The following IL1RAPL2 variants were observed in gnomAD, a reference collection of about 807,000 sequenced individuals.
IL1RAPL2 encodes the protein interleukin 1 receptor accessory protein like 2.
Under a neutral mutation model 44.1 loss-of-function variants are expected in IL1RAPL2, and 3 were observed. The ratio of observed to expected loss-of-function variants is 0.07; its 90% CI spans 0.03 to 0.18. The LOEUF (loss-of-function observed/expected upper bound fraction) is 0.18, where lower values mean the gene tolerates loss of function less well. Among genes scored for constraint, IL1RAPL2 ranks in the 10% least tolerant of loss-of-function variants. The probability of loss-of-function intolerance (pLI) is 1.00; values close to 1 mark genes in which losing one functional copy is unlikely to be tolerated. For missense variants in IL1RAPL2, 391 were observed against 496.4 expected, an observed-to-expected ratio of 0.79 and a Z score of 2.02; for synonymous variants, 181 against 178.8, an observed-to-expected ratio of 1.01 and a Z score of -0.10.
intron 6 of IL1RAPL2, among the ~76,000 whole-genome samples, chrX:105,603,825 A>T (rs1316382450): frequency 1.8e-5 from 2 of 111,987 alleles, no homozygotes; most frequent in Non-Finnish European, 3.8e-5. Context: ...TTTTCAGGCC[A>T]CAATGGAATA....
intron 2 of IL1RAPL2, among the ~76,000 whole-genome samples, chrX:104,835,463 C>T (rs967533602): frequency 9.0e-6 from 1 of 111,536 alleles, no homozygotes; most frequent in Non-Finnish European, 1.9e-5. Context: ...TATGTCTTCA[C>T]TATATGTCCT....
intron 5 of IL1RAPL2, among the ~76,000 whole-genome samples, chrX:105,440,676 T>A (rs1382829177): frequency 8.9e-6 from 1 of 112,110 alleles, no homozygotes; most frequent in Non-Finnish European, 1.9e-5. Flanking sequence ...AAAGAAACAG[T>A]TTTGTTCAGA....
chrX:105,387,270 T>G (rs1849880893), intron 5 of IL1RAPL2, among the ~76,000 whole-genome samples: 1 of 104,903 alleles, frequency 9.5e-6, no homozygotes, highest in African/African-American at 3.5e-5. Flanking sequence ...AGTCTTACTC[T>G]GTTGCCTAGG....
chrX:105,344,638 A>G (rs1479437503), intron 5 of IL1RAPL2, among the ~76,000 whole-genome samples: 4 of 111,992 alleles, frequency 3.6e-5, no homozygotes, highest in African/African-American at 1.3e-4. Flanking sequence ...TTCATAGGAC[A>G]AGTATACTTG....
intron 5 of IL1RAPL2, among the ~76,000 whole-genome samples, chrX:105,437,357 T>G (rs1008336554): frequency 1.8e-5 from 2 of 110,720 alleles, no homozygotes; most frequent in African/African-American, 6.6e-5. Context: ...TGTCTCTACA[T>G]CTATCATATA....
At chrX:105,247,267 G>A (rs1036350577) in intron 4 of IL1RAPL2, among the ~76,000 whole-genome samples, 5 of 110,706 alleles carry the variant, frequency 4.5e-5, no homozygotes, top group African/African-American at 6.6e-5. Context: ...TGGCCAATTA[G>A]ATTCAAACGC....
intron 2 of IL1RAPL2, among the ~76,000 whole-genome samples, chrX:105,043,296 G>T (rs1196095200): frequency 9.0e-6 from 1 of 110,806 alleles, no homozygotes; most frequent in Non-Finnish European, 1.9e-5. Flanking sequence ...ACTAGCCAGG[G>T]GCTCTGGCTA....
chrX:104,626,836 T>TC (rs1224969629), intron 1 of IL1RAPL2, among the ~76,000 whole-genome samples: 7 of 108,260 alleles, frequency 6.5e-5, no homozygotes, highest in Non-Finnish European at 5.8e-5. Context: ...TTTTTTTTTT[T>TC]TTGAGACAGA....
At chrX:104,601,416 T>C (rs1032414716) in intron 1 of IL1RAPL2, among the ~76,000 whole-genome samples, 2 of 111,211 alleles carry the variant, frequency 1.8e-5, no homozygotes, top group East Asian at 5.7e-4. Context: ...TATATTGCTA[T>C]TTTTAATTTT....
intron 1 of IL1RAPL2, among the ~76,000 whole-genome samples, chrX:104,648,571 C>T (rs1178591464): frequency 8.9e-6 from 1 of 111,862 alleles, no homozygotes; most frequent in Non-Finnish European, 1.9e-5. Flanking sequence ...GGGATTTAGA[C>T]ACCACATCAA....
At chrX:104,673,956 G>A (rs1259697041) in intron 2 of IL1RAPL2, among the ~76,000 whole-genome samples, 6 of 111,318 alleles carry the variant, frequency 5.4e-5, no homozygotes, top group Non-Finnish European at 1.1e-4. Flanking sequence ...TTTGTATCCT[G>A]AGAGTTTGCT....
intron 6 of IL1RAPL2, among the ~76,000 whole-genome samples, chrX:105,628,942 C>CA (rs34686044): frequency 0.35 from 32,449 of 92,695 alleles, 4,385 homozygotes; most frequent in Middle Eastern, 0.41. Flanking sequence ...GACTTCATCT[C>CA]AAAAAAAAAA....
intron 2 of IL1RAPL2, among the ~76,000 whole-genome samples, chrX:104,955,615 G>A (rs949240712): frequency 6.5e-5 from 7 of 108,101 alleles, no homozygotes; most frequent in South Asian, 7.9e-4. Flanking sequence ...TTCTAGAATC[G>A]TTTAACTTTC....
chrX:105,155,225 A>AT (rs1644546124), intron 2 of IL1RAPL2, among the ~76,000 whole-genome samples: 1 of 111,550 alleles, frequency 9.0e-6, no homozygotes, highest in African/African-American at 3.3e-5. Context: ...GAGAAGGAAT[A>AT]TAACTATAAT....
intron 2 of IL1RAPL2, among the ~76,000 whole-genome samples, chrX:104,983,511 ATAT>A (rs1408028023): frequency 1.9e-4 from 19 of 98,399 alleles, no homozygotes; most frequent in Non-Finnish European, 3.0e-4. Flanking sequence ...ATATTATATA[ATAT>A]TATATTAGAT....
Position 105,267,614 on chromosome X carries a change from G to T in IL1RAPL2, c.697+73G>T, listed in dbSNP as rs776167490. On this transcript the variant is annotated intron_variant, in intron 5 of 10. Coordinates refer to ENST00000372582, the MANE Select transcript of IL1RAPL2 (RefSeq NM_017416.2). Reference sequence around the variant, plus strand: ...ATTTGGTTTGGGAAGCAAGAGTTTTGTTCAAAGAGTCAACTTTCTGTGAAT... The same window carrying T: ...ATTTGGTTTGGGAAGCAAGAGTTTTTTTCAAAGAGTCAACTTTCTGTGAAT... The T allele has an allele frequency of 8.9e-6, 7 of 789,748 alleles. No individual in the cohort carries two copies. In the South Asian group the frequency reaches 9.0e-5, roughly 10 times the overall value. 65.1% of individuals were successfully genotyped at this position (789,748 alleles called of 1,213,427 possible).
intron 2 of IL1RAPL2, among the ~76,000 whole-genome samples, chrX:105,114,612 G>A (rs1209422377): frequency 1.8e-5 from 2 of 111,825 alleles, no homozygotes; most frequent in Admixed American, 9.5e-5. Context: ...GTCATAGACA[G>A]AACTGTGCAA....
chrX:104,807,894 T>G (rs1457763854), intron 2 of IL1RAPL2, among the ~76,000 whole-genome samples: 4 of 111,965 alleles, frequency 3.6e-5, no homozygotes, highest in Non-Finnish European at 7.5e-5. Context: ...AAAACAGCAC[T>G]TATGTGTTAA....
intron 2 of IL1RAPL2, among the ~76,000 whole-genome samples, chrX:104,830,497 T>G (rs904897454): frequency 9.0e-6 from 1 of 111,708 alleles, no homozygotes; most frequent in Admixed American, 9.5e-5. Context: ...TAATGGATGC[T>G]ATAGTCTTAT....
Sources: gnomAD v4.1 joint callset for allele counts (sites outside exome capture counted in the v4.1 genomes callset) on GRCh38, gnomAD v4.1.1 for gene constraint, MANE v1.5 for transcripts, NCBI Gene and HGNC (gene_info 2026-07-23, HGNC 2026-07-21) for gene names.